The following RNFT2 variants were observed in gnomAD, a reference collection of about 807,000 sequenced individuals.
RNFT2 encodes the protein ring finger protein, transmembrane 2.
RNFT2 carries 36 observed loss-of-function variants against 53.0 expected under a neutral mutation model. That is an observed-to-expected ratio of 0.68 (90% CI 0.52 to 0.90). The LOEUF (loss-of-function observed/expected upper bound fraction) is 0.90, where lower values mean the gene tolerates loss of function less well. RNFT2 is among the 40% of genes least tolerant of loss of function. The pLI, the probability that RNFT2 is intolerant of heterozygous loss-of-function variation, is 0.00. For synonymous variants in RNFT2, 260 were observed against 253.2 expected, an observed-to-expected ratio of 1.03 and a Z score of -0.26; for missense variants, 514 against 585.6, an observed-to-expected ratio of 0.88 and a Z score of 1.26.
At position 116,773,123 on chromosome 12, in the gene RNFT2, G is replaced by A. The variant is rs535958068; in HGVS notation, c.729-6072G>A. On this transcript the variant is annotated intron_variant, in intron 6 of 10. Transcript: ENST00000257575. ...ATTACAGGTATGAGCCACCACGCCC[G>A]GCCAATTTTTCATAATTTTAATAGA... 9.2e-5 allele frequency among the ~76,000 whole-genome samples: 14 copies of A among 151,896 alleles called. No homozygotes were observed. The South Asian group carries it at 2.3e-3, about 25-fold the overall frequency.
At chr12:116,833,671 A>G in intron 7 of RNFT2, 121 bp from the exon 8 acceptor site, 1 of 991,612 alleles carries the variant, frequency 1.0e-6, no homozygotes, top group Non-Finnish European at 1.5e-6. Flanking sequence ...TGCTTTCCAG[A>G]GCTGATTAAT....
chr12:116,743,754 AT>A (rs1202787177), intron 3 of RNFT2, among the ~76,000 whole-genome samples: 2 of 152,108 alleles, frequency 1.3e-5, no homozygotes, highest in African/African-American at 2.4e-5. Context: ...CACAAATGGT[AT>A]CCCCCGGTCC....
intron 7 of RNFT2, among the ~76,000 whole-genome samples, chr12:116,833,068 G>A (rs922702728): frequency 6.6e-6 from 1 of 151,846 alleles, no homozygotes; most frequent in Non-Finnish European, 1.5e-5. Context: ...TTACAGGTGC[G>A]CCACCACGCT....
intron 7 of RNFT2, among the ~76,000 whole-genome samples, chr12:116,812,302 G>C (rs1875417534): frequency 6.6e-6 from 1 of 152,116 alleles, no homozygotes; most frequent in Admixed American, 6.6e-5. Flanking sequence ...GATGACCATA[G>C]CAGCCCGACA....
chr12:116,813,683 C>T (rs1163194399), intron 7 of RNFT2, among the ~76,000 whole-genome samples: 1 of 152,238 alleles, frequency 6.6e-6, no homozygotes, highest in African/African-American at 2.4e-5. Context: ...GTGCATGGTA[C>T]ATAGCAGGTA....
Position 116,775,261 on chromosome 12 carries a change from C to CAA in RNFT2, c.729-3917_729-3916dup, listed in dbSNP as rs5801198. On this transcript the variant is annotated intron_variant, in intron 6 of 10. Transcript: ENST00000257575. ...GGCAACAAGGGTGAAACTCCCGTCT[C>CAA]AAAAAAAAAAAAAAAAAAGAGAGAG... 5.8e-3 allele frequency among the ~76,000 whole-genome samples: 671 copies of CAA among 116,616 alleles called. 7 individuals carry two copies. The highest frequency in any genetic ancestry group is 8.2e-3 in the Non-Finnish European group (486 of 59,304). The allele number at this position is 116,616 out of a possible 152,430, so 76.5% of individuals were successfully genotyped here.
rs1011670049 is a variant in RNFT2, at chr12:116,766,635, T to G, written c.628-179T>G. Among the ~76,000 whole-genome samples, 3 of 152,156 alleles carry G rather than the reference T, an allele frequency of 2.0e-5. No homozygotes were observed. The South Asian group carries it at 6.2e-4, about 32-fold the overall frequency. On this transcript the variant is annotated intron_variant, in intron 5 of 10. Coordinates refer to ENST00000257575, the MANE Select transcript of RNFT2 (RefSeq NM_001382266.1). ...AGATGTCCACCATTCTGCCACCTTC[T>G]CCGTGACCACCGCTTGGGTATCAGT...
At chr12:116,750,340 G>A (rs926939205) in intron 4 of RNFT2, 33 bp downstream of exon 4, 1 of 1,562,892 alleles carries the variant, frequency 6.4e-7, no homozygotes, top group African/African-American at 1.4e-5. Flanking sequence ...TCCTAGCCAT[G>A]GGCTTCACAG....
At chr12:116,770,844 G>A (rs1254797425) in intron 6 of RNFT2, among the ~76,000 whole-genome samples, 2 of 152,084 alleles carry the variant, frequency 1.3e-5, no homozygotes, top group African/African-American at 4.8e-5. Context: ...GTGAGCCATT[G>A]TGACCAGCTT....
At chr12:116,774,478 G>A (rs1290521923) in intron 6 of RNFT2, among the ~76,000 whole-genome samples, 3 of 152,184 alleles carry the variant, frequency 2.0e-5, no homozygotes, top group Non-Finnish European at 4.4e-5. Context: ...ATAAGCGAAT[G>A]CTAATCAGAA....
intron 7 of RNFT2, among the ~76,000 whole-genome samples, chr12:116,819,899 A>G (rs1875920247): frequency 2.0e-5 from 3 of 152,236 alleles, no homozygotes; most frequent in African/African-American, 7.2e-5. Context: ...TAAATGTTCT[A>G]GTAGTCACGT....
At chr12:116,762,459 G>A (rs911379671) in intron 5 of RNFT2, among the ~76,000 whole-genome samples, 1 of 151,924 alleles carries the variant, frequency 6.6e-6, no homozygotes, top group East Asian at 1.9e-4. Context: ...CACAAGTACT[G>A]GGTATGGTGG....
In RNFT2 at chr12:116,835,866, T is replaced by C. The variant is rs1020767117; in HGVS notation, c.1033-94T>C. 1.2e-5 allele frequency: 16 copies of C among 1,323,154 alleles called. No homozygotes were observed. The African/African-American group carries it at 1.3e-4, about 11-fold the overall frequency. The allele number at this position is 1,323,154 out of a possible 1,614,324, so 82.0% of individuals were successfully genotyped here. On this transcript the variant is annotated intron_variant, in intron 8 of 10. Transcript: ENST00000257575. ...CCCTAAAAATGTTCTGAGTCAAAAA[T>C]GGGTGGAGGGTCAGAGGATGGGGTG...
rs1877805922 is a variant in RNFT2, at chr12:116,849,570, C to T, written c.*122C>T. On this transcript the variant is annotated 3_prime_UTR_variant, in exon 11 of 11. Transcript: ENST00000257575. ...CATCCTGCCTCTTGCCCTCCACCACCTCTGACCCCAAAGTCCCGCCCCTGT... is the reference window on the plus strand; with the variant it reads ...CATCCTGCCTCTTGCCCTCCACCACTTCTGACCCCAAAGTCCCGCCCCTGT... 3 of 1,433,422 alleles carry T rather than the reference C, an allele frequency of 2.1e-6. No homozygotes were observed. The highest frequency in any genetic ancestry group is 2.5e-5 in the Admixed American group (1 of 39,552). 88.8% of individuals were successfully genotyped at this position (1,433,422 alleles called of 1,614,324 possible).
At chr12:116,833,998 G>C in intron 8 of RNFT2, 57 bp downstream of exon 8, 1 of 1,465,028 alleles carries the variant, frequency 6.8e-7, no homozygotes, top group Non-Finnish European at 9.0e-7. Flanking sequence ...TCACTAGTCA[G>C]GCCTCAGGGG....
At chr12:116,781,362 G>A (rs989489289) in intron 7 of RNFT2, among the ~76,000 whole-genome samples, 10 of 152,178 alleles carry the variant, frequency 6.6e-5, no homozygotes, top group African/African-American at 2.4e-4. Flanking sequence ...CCCAAGAGGA[G>A]AGAGAGGCAG....
chr12:116,760,203 C>T (rs1211963758), intron 5 of RNFT2, among the ~76,000 whole-genome samples: 4 of 152,168 alleles, frequency 2.6e-5, no homozygotes, highest in Admixed American at 2.6e-4. Context: ...ACCATGCCCA[C>T]CACAACAGCC....
intron 7 of RNFT2, among the ~76,000 whole-genome samples, chr12:116,809,183 GTTTGTTCA>G (rs1260348248): frequency 1.1e-5 from 1 of 93,210 alleles, no homozygotes; most frequent in East Asian, 3.1e-4. Flanking sequence ...TTAGAGCTGA[GTTTGTTCA>G]TTCATTCATT....
At chr12:116,769,138 T>C (rs368494729) in intron 6 of RNFT2, among the ~76,000 whole-genome samples, 53 of 152,154 alleles carry the variant, frequency 3.5e-4, no homozygotes, top group African/African-American at 1.1e-3. Flanking sequence ...GGTGGGCAGA[T>C]CACGAGGTCA....
Sources: gnomAD v4.1 joint callset for allele counts (sites outside exome capture counted in the v4.1 genomes callset) on GRCh38, gnomAD v4.1.1 for gene constraint, MANE v1.5 for transcripts, NCBI Gene and HGNC (gene_info 2026-07-23, HGNC 2026-07-21) for gene names.